Variants in DMD observed in about 807,000 individuals in gnomAD.
The protein encoded by DMD is mutant dystrophin.
Under a neutral mutation model 330.1 loss-of-function variants are expected in DMD, and 63 were observed. The observed-to-expected ratio is 0.19, with a 90% CI of 0.16 to 0.24. The LOEUF is 0.24. DMD is among the 10% of genes least tolerant of loss of function. The pLI is 1.00. For missense variants in DMD, 3,344 were observed against 2,684.1 expected, an observed-to-expected ratio of 1.25 and a Z score of -5.43; for synonymous variants, 1,223 against 959.8, an observed-to-expected ratio of 1.27 and a Z score of -5.07.
intron 63 of DMD, among the ~76,000 whole-genome samples, chrX:31,258,099 A>T (rs763788592): frequency 8.9e-6 from 1 of 112,572 alleles, no homozygotes; most frequent in South Asian, 3.7e-4. Context: ...AAAACTATCA[A>T]TTCCTATATA....
chrX:32,325,801 ATT>A (rs56390411), intron 41 of DMD, among the ~76,000 whole-genome samples: 32,065 of 80,477 alleles, frequency 0.4, 5,473 homozygotes, highest in South Asian at 0.59. Context: ...TAAGTACTCA[ATT>A]TTTTTTTTTT....
At chrX:33,306,031 G>A (rs2053757616) in intron 1 of DMD, among the ~76,000 whole-genome samples, 1 of 111,674 alleles carries the variant, frequency 9.0e-6, no homozygotes, top group African/African-American at 3.3e-5. Flanking sequence ...CTAGGCCTTG[G>A]GGATCATAAT....
At chrX:32,422,960 T>A (rs998562821) in intron 29 of DMD, among the ~76,000 whole-genome samples, 1 of 111,254 alleles carries the variant, frequency 9.0e-6, no homozygotes, top group Non-Finnish European at 1.9e-5. Context: ...TTGTGTGTTA[T>A]AGAAATTAAG....
intron 2 of DMD, among the ~76,000 whole-genome samples, chrX:32,916,011 T>A (rs1392722943): frequency 3.6e-5 from 4 of 111,668 alleles, no homozygotes; most frequent in Admixed American, 2.9e-4. Context: ...TCAACATAAA[T>A]ATAGTATAAT....
At chrX:32,665,371 C>T (rs1255870032) in intron 9 of DMD, among the ~76,000 whole-genome samples, 2 of 111,616 alleles carry the variant, frequency 1.8e-5, no homozygotes, top group Non-Finnish European at 3.8e-5. Flanking sequence ...AATATAAACT[C>T]CTAATGTTGG....
intron 44 of DMD, among the ~76,000 whole-genome samples, chrX:32,111,562 T>C (rs1402638395): frequency 8.9e-6 from 1 of 111,769 alleles, no homozygotes; most frequent in Non-Finnish European, 1.9e-5. Context: ...ATACACCAGG[T>C]TCCCTTTAAT....
At position 32,614,746 on chromosome X, in the gene DMD, G is replaced by T. The variant is rs72468702; in HGVS notation, c.1332-293C>A. 0.024 allele frequency among the ~76,000 whole-genome samples: 2,721 copies of T among 111,292 alleles called. 36 individuals carry two copies. Among genetic ancestry groups the T allele is most frequent in the Non-Finnish European group, 0.039 (2,079 of 52,826 alleles). On this transcript the variant is annotated intron_variant, in intron 11 of 78. Coordinates refer to ENST00000357033, the MANE Select transcript of DMD (RefSeq NM_004006.3). Reference sequence around the variant, plus strand: ...GATAATTGACTAAGTAGTATATTTTGGCAGTTGTTCGTTTACATTCTCATT... The same window carrying T: ...GATAATTGACTAAGTAGTATATTTTTGCAGTTGTTCGTTTACATTCTCATT...
chrX:32,863,170 G>A (rs916777250), intron 2 of DMD, among the ~76,000 whole-genome samples: 1 of 111,159 alleles, frequency 9.0e-6, no homozygotes, highest in Non-Finnish European at 1.9e-5. Context: ...TACAAGGTTG[G>A]CAAGATGAAG....
Position 32,878,557 on chromosome X carries a change from T to A in DMD, c.94-28737A>T, listed in dbSNP as rs751966384. On this transcript the variant is annotated intron_variant, in intron 2 of 78. Coordinates refer to ENST00000357033, the MANE Select transcript of DMD (RefSeq NM_004006.3). ...TTTTCTTGTAGCTATACTACAAAAC[T>A]ACAATACTACAGTATCTGTATTACT... Among the ~76,000 whole-genome samples the A allele has an allele frequency of 7.7e-3, 866 of 111,837 alleles. 10 individuals carry two copies. The highest frequency in any genetic ancestry group is 0.053 in the East Asian group (189 of 3,535).
Position 32,395,768 on chromosome X carries a change from T to G in DMD, c.4234-5587A>C, listed in dbSNP as rs745817737. Among the ~76,000 whole-genome samples, 3 of 110,753 alleles carry G rather than the reference T, an allele frequency of 2.7e-5. No individual in the cohort carries two copies. In the South Asian group the frequency reaches 1.1e-3, roughly 42 times the overall value. On this transcript the variant is annotated intron_variant, in intron 30 of 78. Transcript: ENST00000357033. The stretch of plus-strand genomic sequence containing the variant: ...CTGTAGGAAACAAGCTAGCAAAGAT[T>G]AGGCTTGGGGCATGCAGAGTGTGTG...
At chrX:32,650,958 T>C (rs763263600) in intron 9 of DMD, among the ~76,000 whole-genome samples, 1 of 111,216 alleles carries the variant, frequency 9.0e-6, no homozygotes, top group South Asian at 3.8e-4. Context: ...GATGAGGAAA[T>C]GGAAATAGAA....
At chrX:32,410,619 G>A (rs902002571) in intron 30 of DMD, among the ~76,000 whole-genome samples, 1 of 111,676 alleles carries the variant, frequency 9.0e-6, no homozygotes, top group Non-Finnish European at 1.9e-5. Flanking sequence ...TAACCTTCTA[G>A]TGCTCCTCTC....
chrX:32,406,834 A>G (rs779446914), intron 30 of DMD, among the ~76,000 whole-genome samples: 8 of 111,644 alleles, frequency 7.2e-5, no homozygotes, highest in Non-Finnish European at 1.1e-4. Flanking sequence ...ATCTACAACT[A>G]TCTGATCTTT....
At chrX:32,481,899 C>A (rs960512910) in intron 21 of DMD, among the ~76,000 whole-genome samples, 1 of 111,860 alleles carries the variant, frequency 8.9e-6, no homozygotes, top group Non-Finnish European at 1.9e-5. Context: ...AAAAATATTT[C>A]TTGAATTTAT....
chrX:32,658,459 T>C (rs955386614), intron 9 of DMD, among the ~76,000 whole-genome samples: 2 of 111,492 alleles, frequency 1.8e-5, no homozygotes, highest in Admixed American at 9.6e-5. Context: ...CCAAAGCATC[T>C]GGAGACAATA....
rs2059221216 is a variant in DMD at position 32,638,183 on chromosome X, A to G, written c.1331+5949T>C. ...AGCTTAATTATCAATACTCATCAAC[A>G]CTCATATATTGTCTGTTATATATTA... On this transcript the variant is annotated intron_variant, in intron 11 of 78. Coordinates refer to ENST00000357033, the MANE Select transcript of DMD (RefSeq NM_004006.3). 3.6e-5 allele frequency among the ~76,000 whole-genome samples: 4 copies of G among 111,376 alleles called. No individual in the cohort carries two copies. The South Asian group carries it at 1.5e-3, about 42-fold the overall frequency.
chrX:31,634,408 T>A (rs1176491940), intron 54 of DMD, among the ~76,000 whole-genome samples: 1 of 111,436 alleles, frequency 9.0e-6, no homozygotes, highest in Admixed American at 9.6e-5. Context: ...CATTCCCATC[T>A]TTTGTCACCC....
chrX:33,080,146 C>G (rs188852446), intron 1 of DMD, among the ~76,000 whole-genome samples: 2 of 112,310 alleles, frequency 1.8e-5, no homozygotes, highest in Non-Finnish European at 3.8e-5. Flanking sequence ...AACAGCAGAT[C>G]AATTTTCTAA....
intron 1 of DMD, among the ~76,000 whole-genome samples, chrX:33,159,893 T>A (rs758775248): frequency 9.0e-6 from 1 of 111,675 alleles, no homozygotes; most frequent in African/African-American, 3.3e-5. Flanking sequence ...AAAAATACAA[T>A]CAATTTTTTA....
Sources: allele counts gnomAD v4.1 joint callset (sites outside exome capture counted in the v4.1 genomes callset), GRCh38; gene constraint gnomAD v4.1.1; transcripts MANE v1.5; gene names NCBI Gene and HGNC (gene_info 2026-07-23, HGNC 2026-07-21).